DPP6: variants seen among roughly 807,000 people sequenced by gnomAD.
DPP6 encodes A-type potassium channel modulatory protein DPP6.
Under a neutral mutation model 122.6 loss-of-function variants are expected in DPP6, and 69 were observed. That is an observed-to-expected ratio of 0.56 (90% CI 0.46 to 0.69). The LOEUF is 0.69. Ranked by LOEUF, DPP6 falls within the 30% of genes least tolerant of loss-of-function variation. The probability of loss-of-function intolerance (pLI) is 0.00; values close to 1 mark genes in which losing one functional copy is unlikely to be tolerated. For missense variants in DPP6, 928 were observed against 1,116.9 expected, an observed-to-expected ratio of 0.83 and a Z score of 2.41; for synonymous variants, 418 against 433.1, an observed-to-expected ratio of 0.97 and a Z score of 0.43.
chr7:154,287,915 G>A (rs1804959902), intron 1 of DPP6, among the ~76,000 whole-genome samples: 1 of 152,202 alleles, frequency 6.6e-6, no homozygotes, highest in Admixed American at 6.5e-5. Flanking sequence ...GAATGTGTCC[G>A]GAGAGTTTTG....
intron 5 of DPP6, among the ~76,000 whole-genome samples, chr7:154,580,454 C>T (rs1292756785): frequency 3.9e-5 from 6 of 152,140 alleles, no homozygotes; most frequent in Non-Finnish European, 7.4e-5. Flanking sequence ...CAGACAAAGA[C>T]GTGGCCTGAG....
intron 7 of DPP6, among the ~76,000 whole-genome samples, chr7:154,709,844 T>C (rs1841067140): frequency 6.6e-6 from 1 of 152,158 alleles, no homozygotes; most frequent in Non-Finnish European, 1.5e-5. Context: ...ATCATCCAGT[T>C]TCTGACATGA....
intron 19 of DPP6, among the ~76,000 whole-genome samples, chr7:154,872,982 A>G (rs927070867): frequency 2.0e-5 from 3 of 152,186 alleles, no homozygotes; most frequent in Non-Finnish European, 4.4e-5. Context: ...ATTTTGCATG[A>G]CAGGCTCACC....
chr7:153,929,296 G>C (rs1801066576), intron 1 of DPP6, among the ~76,000 whole-genome samples: 1 of 152,158 alleles, frequency 6.6e-6, no homozygotes, highest in South Asian at 2.1e-4. Flanking sequence ...TGTGGGGAAT[G>C]AGACATGAGG....
chr7:153,956,206 G>A (rs1015295742), intron 1 of DPP6, among the ~76,000 whole-genome samples: 1 of 152,128 alleles, frequency 6.6e-6, no homozygotes, highest in African/African-American at 2.4e-5. Context: ...TGGGCAGGTG[G>A]GGGCTGGTCC....
intron 1 of DPP6, among the ~76,000 whole-genome samples, chr7:153,924,724 G>A (rs987785034): frequency 1.3e-5 from 2 of 152,186 alleles, no homozygotes; most frequent in East Asian, 3.9e-4. Context: ...CTGAGTCATT[G>A]ATGGCCAGAT....
intron 1 of DPP6, among the ~76,000 whole-genome samples, chr7:154,063,120 G>C (rs111391458): frequency 7.7e-6 from 1 of 130,038 alleles, no homozygotes; most frequent in Non-Finnish European, 1.7e-5. Flanking sequence ...ATCGCAGGGG[G>C]GGAGGCACCC....
intron 1 of DPP6, among the ~76,000 whole-genome samples, chr7:154,255,158 T>G (rs1217815365): frequency 4.6e-5 from 7 of 152,070 alleles, no homozygotes; most frequent in African/African-American, 2.4e-5. Context: ...AGTTACAGGG[T>G]CCGTCCGAGG....
At position 154,867,978 on chromosome 7, in the gene DPP6, T is replaced by G; in HGVS notation, c.1715-17T>G. On this transcript the variant is annotated splice_polypyrimidine_tract_variant and intron_variant, in intron 17 of 25. Coordinates refer to ENST00000377770, the MANE Select transcript of DPP6 (RefSeq NM_130797.4). ...TGACCACTGCATCTCAGTGTGTCCC[T>G]GTTTCCTCTCTTTCAGAAATGTTTG... is the stretch of plus-strand genomic sequence containing the variant. 6.3e-7 allele frequency: 1 copy of G among 1,578,880 alleles called. No homozygotes were observed. Among genetic ancestry groups the G allele is most frequent in the Non-Finnish European group, 8.6e-7 (1 of 1,162,198 alleles).
intron 1 of DPP6, among the ~76,000 whole-genome samples, chr7:153,995,661 A>ATT (rs1433251758): frequency 1.3e-5 from 2 of 151,958 alleles, no homozygotes; most frequent in Non-Finnish European, 2.9e-5. Context: ...GATGTGCTCG[A>ATT]TAACACCCTT....
At chr7:154,788,115 G>A (rs2150415370) in intron 10 of DPP6, among the ~76,000 whole-genome samples, 1 of 152,096 alleles carries the variant, frequency 6.6e-6, no homozygotes, top group Non-Finnish European at 1.5e-5. Context: ...CATTAATTTT[G>A]AGTTGCCTTC....
intron 1 of DPP6, among the ~76,000 whole-genome samples, chr7:154,251,222 T>G (rs908848264): frequency 6.6e-6 from 1 of 152,180 alleles, no homozygotes; most frequent in Admixed American, 6.6e-5. Context: ...CTGCCCAAAT[T>G]AACATTAGGA....
intron 18 of DPP6, 24 bp from the exon 19 acceptor site, chr7:154,872,600 G>C (rs376738267): frequency 6.3e-7 from 1 of 1,584,258 alleles, no homozygotes; most frequent in South Asian, 1.2e-5. Flanking sequence ...CCCCTAACCC[G>C]TGCTGTGCTC....
At chr7:153,868,260 G>A in the DPP6 span, among the ~76,000 whole-genome samples, 8 of 152,090 alleles carry the variant, frequency 5.3e-5, no homozygotes, top group Non-Finnish European at 7.3e-5. Context: ...GGTAGAATTT[G>A]GCTGTGAATC....
intron 7 of DPP6, among the ~76,000 whole-genome samples, chr7:154,715,983 G>C (rs560409718): frequency 6.6e-6 from 1 of 152,206 alleles, no homozygotes; most frequent in African/African-American, 2.4e-5. Flanking sequence ...TAGGTGTGAG[G>C]ATGAGAAATC....
intron 1 of DPP6, among the ~76,000 whole-genome samples, chr7:154,173,122 T>C (rs1797619301): frequency 6.6e-6 from 1 of 152,186 alleles, no homozygotes; most frequent in Non-Finnish European, 1.5e-5. Flanking sequence ...TTCAGAGGAA[T>C]TTTGGCAAAT....
At chr7:154,885,999 A>G (rs564894443) in intron 22 of DPP6, among the ~76,000 whole-genome samples, 132 of 152,356 alleles carry the variant, frequency 8.7e-4, no homozygotes, top group Non-Finnish European at 1.4e-3. Context: ...CACGAGTTGG[A>G]AACAGCTAGT....
At chr7:154,778,821 A>G (rs1294718868) in intron 10 of DPP6, among the ~76,000 whole-genome samples, 2 of 128,580 alleles carry the variant, frequency 1.6e-5, no homozygotes, top group African/African-American at 3.1e-5. Flanking sequence ...ACAACTTCCA[A>G]CCTTCACCAC....
chr7:154,206,313 G>A lies in DPP6; in HGVS notation c.243+153250G>A, dbSNP rs372465239. On this transcript the variant is annotated intron_variant, in intron 1 of 25. Transcript: ENST00000377770. ...CCTCTGTGCTCTCTTACATAAATTA[G>A]CAACCTCCTCTGGCATCTCTAAGCC... 4.0e-4 allele frequency among the ~76,000 whole-genome samples: 61 copies of A among 152,262 alleles called. 1 individual carries two copies. In the South Asian group the frequency reaches 0.011, roughly 28 times the overall value.
Sources: allele counts gnomAD v4.1 joint callset (sites outside exome capture counted in the v4.1 genomes callset), GRCh38; gene constraint gnomAD v4.1.1; transcripts MANE v1.5; gene names NCBI Gene and HGNC (gene_info 2026-07-23, HGNC 2026-07-21).